Variants in TMTC2 observed in about 807,000 individuals in gnomAD.
TMTC2 encodes protein O-mannosyl-transferase TMTC2.
TMTC2 carries 43 observed loss-of-function variants against 82.4 expected under a neutral mutation model. That is an observed-to-expected ratio of 0.52 (90% CI 0.41 to 0.67). The LOEUF is 0.67. TMTC2 is among the 30% of genes least tolerant of loss of function. The pLI is 0.00. For missense variants in TMTC2, 919 were observed against 1,012.4 expected (o/e 0.91, Z 1.25); for synonymous variants, 408 against 381.9 (o/e 1.07, Z -0.80).
chr12:83,130,235 T>G (rs1885221787), intron 11 of TMTC2, among the ~76,000 whole-genome samples: 1 of 152,210 alleles, frequency 6.6e-6, no homozygotes, highest in Non-Finnish European at 1.5e-5. Flanking sequence ...TATTGATAGT[T>G]GTGCTAAGCA....
intron 1 of TMTC2, among the ~76,000 whole-genome samples, chr12:82,771,731 G>A (rs1467655242): frequency 6.6e-6 from 1 of 152,106 alleles, no homozygotes. Flanking sequence ...ACAATAGAAA[G>A]TGATAAGTGC....
chr12:83,112,633 G>T (rs867222288), intron 11 of TMTC2, among the ~76,000 whole-genome samples: 1 of 152,098 alleles, frequency 6.6e-6, no homozygotes, highest in African/African-American at 2.4e-5. Context: ...CATAAGATAC[G>T]TTATCTTAAG....
At chr12:83,014,735 TTTTTTTGAGTGTTCACAATG>T (rs1880600711) in intron 8 of TMTC2, among the ~76,000 whole-genome samples, 1 of 152,208 alleles carries the variant, frequency 6.6e-6, no homozygotes, top group African/African-American at 2.4e-5. Context: ...GAGAACTTTT[TTTTTTTGAGTGTTCACAATG>T]TATTATTGTA....
chr12:83,122,574 C>T (rs1003652817), intron 11 of TMTC2, among the ~76,000 whole-genome samples: 17 of 152,124 alleles, frequency 1.1e-4, no homozygotes, highest in Non-Finnish European at 2.1e-4. Flanking sequence ...AATCTTCTCC[C>T]GTAATCAAGA....
chr12:83,001,173 T>C (rs1273448579), intron 8 of TMTC2, among the ~76,000 whole-genome samples: 2 of 152,330 alleles, frequency 1.3e-5, no homozygotes, highest in East Asian at 3.9e-4. Context: ...TCGTTACTTA[T>C]GCCAATTCCT....
intron 8 of TMTC2, among the ~76,000 whole-genome samples, chr12:83,020,250 G>A (rs1192569364): frequency 6.6e-6 from 1 of 151,974 alleles, no homozygotes; most frequent in African/African-American, 2.4e-5. Flanking sequence ...TTCATTCTAG[G>A]GCTCAACACA....
chr12:82,733,211 C>T (rs1321132892), intron 1 of TMTC2, among the ~76,000 whole-genome samples: 1 of 152,116 alleles, frequency 6.6e-6, no homozygotes, highest in Non-Finnish European at 1.5e-5. Flanking sequence ...TTTAAACCAG[C>T]TCAGTTATAA....
At chr12:82,961,990 G>A (rs1474275881) in intron 4 of TMTC2, among the ~76,000 whole-genome samples, 2 of 152,004 alleles carry the variant, frequency 1.3e-5, no homozygotes, top group Admixed American at 6.6e-5. Flanking sequence ...AGAGGACGAT[G>A]ATATTCTAAT....
intron 11 of TMTC2, among the ~76,000 whole-genome samples, chr12:83,111,374 A>G (rs1186202392): frequency 6.6e-6 from 1 of 152,248 alleles, no homozygotes; most frequent in Non-Finnish European, 1.5e-5. Flanking sequence ...CTGCTTTTGT[A>G]GCATAGAAGT....
chr12:82,994,303 G>A (rs553120391), intron 8 of TMTC2, among the ~76,000 whole-genome samples: 3 of 152,170 alleles, frequency 2.0e-5, no homozygotes, highest in South Asian at 4.2e-4. Context: ...ACAGGTGCCC[G>A]CTACCGGGCC....
intron 10 of TMTC2, among the ~76,000 whole-genome samples, chr12:83,053,109 G>T (rs1445795048): frequency 1.3e-5 from 2 of 152,134 alleles, no homozygotes; most frequent in East Asian, 3.9e-4. Flanking sequence ...TTTGCCTAAA[G>T]GAGTAAGAAA....
At chr12:83,086,922 C>T (rs1009155557) in intron 11 of TMTC2, among the ~76,000 whole-genome samples, 2 of 152,150 alleles carry the variant, frequency 1.3e-5, no homozygotes, top group Non-Finnish European at 2.9e-5. Context: ...CTGGCTGTGG[C>T]AGTTTCTTCA....
At chr12:82,840,969 G>A (rs1312166839) in intron 1 of TMTC2, among the ~76,000 whole-genome samples, 7 of 151,940 alleles carry the variant, frequency 4.6e-5, no homozygotes, top group African/African-American at 1.7e-4. Flanking sequence ...TAGTAGAGAC[G>A]GGATTTCACT....
At chr12:82,703,212 A>G (rs1215660683) in intron 1 of TMTC2, among the ~76,000 whole-genome samples, 2 of 152,062 alleles carry the variant, frequency 1.3e-5, no homozygotes, top group African/African-American at 4.8e-5. Context: ...CCAGAAAAGA[A>G]AAGAACTAAC....
chr12:82,967,154 A>G lies in TMTC2; in HGVS notation c.1948+157A>G, dbSNP rs146396239. Among the ~76,000 whole-genome samples the G allele has an allele frequency of 9.0e-4, 137 of 152,258 alleles. No individual in the cohort carries two copies. The East Asian group carries it at 0.024, about 27-fold the overall frequency. On this transcript the variant is annotated intron_variant, in intron 7 of 11. Transcript: ENST00000321196. ...TCATACTCAAATTCTGACAGAGCAT[A>G]TTTATTCTGACATGACAAATAAATG...
At chr12:82,882,661 C>T (rs1872891401) in intron 2 of TMTC2, among the ~76,000 whole-genome samples, 1 of 152,006 alleles carries the variant, frequency 6.6e-6, no homozygotes, top group African/African-American at 2.4e-5. Context: ...GTAAGTGCCA[C>T]AATGCTGTCT....
intron 11 of TMTC2, among the ~76,000 whole-genome samples, chr12:83,086,609 A>C (rs1332033677): frequency 6.6e-6 from 1 of 152,160 alleles, no homozygotes; most frequent in Admixed American, 6.5e-5. Context: ...CTTTCAGACC[A>C]CTGCAGTAGA....
At chr12:82,973,016 G>A (rs1202737406) in intron 7 of TMTC2, among the ~76,000 whole-genome samples, 1 of 152,180 alleles carries the variant, frequency 6.6e-6, no homozygotes, top group African/African-American at 2.4e-5. Flanking sequence ...TTGTTCTTAA[G>A]TGGATTGCTC....
chr12:82,951,709 T>C (rs1285075270), intron 4 of TMTC2, among the ~76,000 whole-genome samples: 1 of 152,214 alleles, frequency 6.6e-6, no homozygotes, highest in Non-Finnish European at 1.5e-5. Flanking sequence ...AACGTAGCAG[T>C]ATTTTAAAAT....
Sources: gnomAD v4.1 joint callset for allele counts (sites outside exome capture counted in the v4.1 genomes callset) on GRCh38, gnomAD v4.1.1 for gene constraint, MANE v1.5 for transcripts, NCBI Gene and HGNC (gene_info 2026-07-23, HGNC 2026-07-21) for gene names.